GPHN: variants seen among roughly 807,000 people sequenced by gnomAD.
GPHN encodes the protein gephyrin.
GPHN carries 17 observed loss-of-function variants against 95.5 expected under a neutral mutation model. The ratio of observed to expected loss-of-function variants is 0.18; its 90% CI spans 0.12 to 0.27. The LOEUF is 0.27. Ranked by LOEUF, GPHN falls within the 10% of genes least tolerant of loss-of-function variation. The pLI is 1.00. For missense variants in GPHN, 660 were observed against 978.1 expected (o/e 0.67, Z 4.34); for synonymous variants, 320 against 322.5 (o/e 0.99, Z 0.08).
In GPHN at chr14:66,718,455, A is replaced by G. The variant is rs548793195; in HGVS notation, c.143+37270A>G. On this transcript the variant is annotated intron_variant, in intron 2 of 22. Coordinates refer to ENST00000478722, the MANE Select transcript of GPHN (RefSeq NM_020806.5). ...TCATAAAGGTAGTGCGGACCCAAAC[A>G]GTGAGCAGCAGCAAGATTTACTGTG... Among the ~76,000 whole-genome samples the G allele has an allele frequency of 7.4e-4, 112 of 152,270 alleles. 1 individual carries two copies. The highest frequency in any genetic ancestry group is 3.4e-3 in the Middle Eastern group (1 of 294).
chr14:66,683,355 TATATATATATA>T (rs1310789679), intron 2 of GPHN, among the ~76,000 whole-genome samples: 3 of 84,332 alleles, frequency 3.6e-5, no homozygotes, highest in African/African-American at 3.3e-4. Context: ...TATATATATA[TATATATATATA>T]TATATATATA....
At chr14:66,577,238 A>C (rs1250649373) in intron 1 of GPHN, among the ~76,000 whole-genome samples, 4 of 152,174 alleles carry the variant, frequency 2.6e-5, no homozygotes, top group East Asian at 3.8e-4. Flanking sequence ...TTATCACAAA[A>C]TTTTAAAGGT....
In GPHN at chr14:66,545,500, C is replaced by T. The variant is rs1238717704; in HGVS notation, c.64+36909C>T. On this transcript the variant is annotated intron_variant, in intron 1 of 22. Coordinates refer to ENST00000478722, the MANE Select transcript of GPHN (RefSeq NM_020806.5). ...TCACCTCCCGGACGGGGCGGCTGGC[C>T]GGGCGGGGAGCTGACCCCCCCACCT... 1.4e-4 allele frequency among the ~76,000 whole-genome samples: 16 copies of T among 118,048 alleles called. 2 individuals carry two copies. The highest frequency in any genetic ancestry group is 5.4e-4 in the South Asian group (2 of 3,696). 77.4% of individuals were successfully genotyped at this position (118,048 alleles called of 152,430 possible). A position where few individuals can be genotyped will look rare whatever the true frequency, so the allele number is the denominator to read the frequency against.
chr14:66,738,968 T>G (rs2072539136), intron 2 of GPHN, among the ~76,000 whole-genome samples: 1 of 152,076 alleles, frequency 6.6e-6, no homozygotes, highest in Non-Finnish European at 1.5e-5. Context: ...ATATTTCCTT[T>G]TTGGGTGGCG....
the GPHN span, among the ~76,000 whole-genome samples, chr14:67,410,936 G>A: frequency 2.0e-5 from 3 of 152,062 alleles, no homozygotes; most frequent in East Asian, 3.9e-4. Flanking sequence ...ACTTAAACCC[G>A]GGAGTTCAAG....
intron 11 of GPHN, among the ~76,000 whole-genome samples, chr14:67,087,686 A>G (rs1298493581): frequency 6.6e-6 from 1 of 152,148 alleles, no homozygotes; most frequent in Non-Finnish European, 1.5e-5. Context: ...AAATCTCTCT[A>G]CACTTACTTC....
At chr14:67,138,292 T>C (rs1369221910) in intron 17 of GPHN, among the ~76,000 whole-genome samples, 2 of 152,200 alleles carry the variant, frequency 1.3e-5, no homozygotes, top group Non-Finnish European at 2.9e-5. Flanking sequence ...ATTAATTATA[T>C]TTCTTGGATA....
intron 11 of GPHN, among the ~76,000 whole-genome samples, chr14:67,071,404 G>A (rs1363323191): frequency 6.6e-6 from 1 of 151,092 alleles, no homozygotes; most frequent in African/African-American, 2.4e-5. Flanking sequence ...AACACCGCAT[G>A]TTCTCACTCA....
intron 18 of GPHN, among the ~76,000 whole-genome samples, chr14:67,157,678 G>A (rs969530201): frequency 1.3e-5 from 2 of 151,906 alleles, no homozygotes; most frequent in South Asian, 2.1e-4. Context: ...ACAAAAATTC[G>A]CCGGGCATGG....
At chr14:67,690,284 C>T in the GPHN span, 27 of 1,614,036 alleles carry the variant, frequency 1.7e-5, no homozygotes, top group South Asian at 3.0e-4. Flanking sequence ...GCCAGGCCTG[C>T]ATTGTAGAAT....
intron 1 of GPHN, among the ~76,000 whole-genome samples, chr14:66,612,879 TC>T (rs1272523235): frequency 6.6e-6 from 1 of 152,144 alleles, no homozygotes; most frequent in Non-Finnish European, 1.5e-5. Flanking sequence ...GGAACAATAG[TC>T]CATTCCATTT....
chr14:67,455,792 G>A, the GPHN span, among the ~76,000 whole-genome samples: 1 of 151,786 alleles, frequency 6.6e-6, no homozygotes, highest in African/African-American at 2.4e-5. Context: ...ACCTGCTTTG[G>A]GTCAGGTGCA....
intron 8 of GPHN, among the ~76,000 whole-genome samples, chr14:66,963,362 C>A (rs1480528460): frequency 1.3e-5 from 2 of 151,976 alleles, no homozygotes; most frequent in East Asian, 3.9e-4. Flanking sequence ...ATATATATCA[C>A]ACACACAGAG....
the GPHN span, among the ~76,000 whole-genome samples, chr14:67,289,057 C>A: frequency 2.0e-5 from 3 of 150,918 alleles, no homozygotes; most frequent in Non-Finnish European, 2.9e-5. Flanking sequence ...ACCTCCGCCA[C>A]CCAGGTTCAA....
chr14:67,370,846 G>A, the GPHN span, among the ~76,000 whole-genome samples: 12 of 151,868 alleles, frequency 7.9e-5, no homozygotes, highest in African/African-American at 2.7e-4. Context: ...GAAACATGAC[G>A]AAACCTCATC....
the GPHN span, among the ~76,000 whole-genome samples, chr14:67,229,246 G>T: frequency 6.6e-6 from 1 of 152,172 alleles, no homozygotes; most frequent in Non-Finnish European, 1.5e-5. Context: ...TTCAGAATAA[G>T]GGTAGTTAGG....
chr14:67,465,271 G>A, the GPHN span, among the ~76,000 whole-genome samples: 1 of 152,240 alleles, frequency 6.6e-6, no homozygotes, highest in Non-Finnish European at 1.5e-5. Context: ...GTTGGGCTAA[G>A]AGGAGAAAGA....
chr14:66,760,772 TACAG>T, intron 2 of GPHN: 1 of 483,296 alleles, frequency 2.1e-6, no homozygotes, highest in Non-Finnish European at 4.0e-6. Context: ...ACCTATCAAA[TACAG>T]AGAGAGCTAT....
chr14:66,667,691 T>C (rs764218884), intron 1 of GPHN, among the ~76,000 whole-genome samples: 29 of 151,556 alleles, frequency 1.9e-4, no homozygotes, highest in Non-Finnish European at 1.2e-4. Flanking sequence ...CCCGAAACTA[T>C]AAAAACCCTG....
Sources: gnomAD v4.1 joint callset for allele counts (sites outside exome capture counted in the v4.1 genomes callset) on GRCh38, gnomAD v4.1.1 for gene constraint, MANE v1.5 for transcripts, NCBI Gene and HGNC (gene_info 2026-07-23, HGNC 2026-07-21) for gene names.